The following RBMS3 variants were observed in gnomAD, a reference collection of about 807,000 sequenced individuals.
RBMS3 encodes RNA-binding motif, single-stranded-interacting protein 3.
A neutral mutation model predicts 66.8 loss-of-function variants in RBMS3; 27 were observed. The ratio of observed to expected loss-of-function variants is 0.40; its 90% CI spans 0.30 to 0.56. The LOEUF is 0.56. RBMS3 is among the 20% of genes least tolerant of loss of function. The pLI is 0.40. For synonymous variants in RBMS3, 188 were observed against 183.0 expected (o/e 1.03, Z -0.22); for missense variants, 513 against 549.5 (o/e 0.93, Z 0.66).
chr3:29,541,038 A>C (rs1447570222), intron 3 of RBMS3, among the ~76,000 whole-genome samples: 1 of 152,192 alleles, frequency 6.6e-6, no homozygotes, highest in Admixed American at 6.5e-5. Context: ...AGAAAACTAC[A>C]TAGCCCATTG....
At chr3:29,835,858 A>C (rs1034949331) in intron 6 of RBMS3, among the ~76,000 whole-genome samples, 1 of 151,930 alleles carries the variant, frequency 6.6e-6, no homozygotes, top group African/African-American at 2.4e-5. Context: ...AAAAAAGGTA[A>C]ACAAAATTGG....
At chr3:29,743,454 G>T (rs2054729389) in intron 5 of RBMS3, among the ~76,000 whole-genome samples, 1 of 152,188 alleles carries the variant, frequency 6.6e-6, no homozygotes, top group South Asian at 2.1e-4. Context: ...TCCCAGATCA[G>T]CAGCTTCAGT....
chr3:29,948,226 A>C (rs1462945387), intron 12 of RBMS3, among the ~76,000 whole-genome samples: 1 of 151,764 alleles, frequency 6.6e-6, no homozygotes, highest in East Asian at 1.9e-4. Context: ...TCTACGAATA[A>C]AGTTCTTCAT....
At chr3:29,365,935 C>G (rs1479080699) in intron 1 of RBMS3, among the ~76,000 whole-genome samples, 1 of 152,152 alleles carries the variant, frequency 6.6e-6, no homozygotes, top group Non-Finnish European at 1.5e-5. Context: ...GTTTACTGTA[C>G]TGAGTACTCT....
chr3:29,756,777 T>G (rs1411955809), intron 5 of RBMS3, among the ~76,000 whole-genome samples: 1 of 152,108 alleles, frequency 6.6e-6, no homozygotes, highest in Non-Finnish European at 1.5e-5. Context: ...AAAATGACTC[T>G]CAAAGCACTT....
chr3:29,654,844 C>G (rs1227544587), intron 4 of RBMS3, among the ~76,000 whole-genome samples: 1 of 151,112 alleles, frequency 6.6e-6, no homozygotes, highest in Non-Finnish European at 1.5e-5. Context: ...GCAATCTGCT[C>G]ACCTCAGCAT....
intron 1 of RBMS3, among the ~76,000 whole-genome samples, chr3:29,410,866 G>A (rs999601631): frequency 6.6e-6 from 1 of 151,752 alleles, no homozygotes; most frequent in Non-Finnish European, 1.5e-5. Flanking sequence ...GATAGCTGTT[G>A]GAAGGTTTTG....
At chr3:29,546,274 T>C (rs1447108835) in intron 3 of RBMS3, among the ~76,000 whole-genome samples, 1 of 152,142 alleles carries the variant, frequency 6.6e-6, no homozygotes, top group Non-Finnish European at 1.5e-5. Context: ...ATTCATTTTA[T>C]GGAACAGAAT....
At chr3:29,570,873 C>A (rs925937175) in intron 3 of RBMS3, among the ~76,000 whole-genome samples, 1 of 152,204 alleles carries the variant, frequency 6.6e-6, no homozygotes, top group African/African-American at 2.4e-5. Context: ...TATGGTAGCT[C>A]TATTTTTAGT....
chr3:29,738,701 G>C (rs1576660081), intron 4 of RBMS3, among the ~76,000 whole-genome samples: 1 of 152,116 alleles, frequency 6.6e-6, no homozygotes, highest in Non-Finnish European at 1.5e-5. Flanking sequence ...CAGATTTCTT[G>C]GCCCACTCTC....
intron 10 of RBMS3, among the ~76,000 whole-genome samples, chr3:29,911,082 G>A (rs1331291262): frequency 2.0e-5 from 3 of 152,088 alleles, no homozygotes; most frequent in Admixed American, 1.3e-4. Context: ...GCAGTAAAGA[G>A]GAGGAAGTTA....
chr3:29,758,677 C>T (rs2055531046), intron 5 of RBMS3, among the ~76,000 whole-genome samples: 2 of 152,154 alleles, frequency 1.3e-5, no homozygotes, highest in Non-Finnish European at 1.5e-5. Context: ...GAAAATTCAT[C>T]GCATTCATTC....
chr3:29,462,238 T>C (rs1452379214), intron 2 of RBMS3, among the ~76,000 whole-genome samples: 1 of 152,350 alleles, frequency 6.6e-6, no homozygotes, highest in South Asian at 2.1e-4. Flanking sequence ...CTAATTTCTC[T>C]ACAGACCCTT....
intron 12 of RBMS3, among the ~76,000 whole-genome samples, chr3:29,981,385 T>C (rs1490150733): frequency 2.6e-5 from 4 of 152,192 alleles, no homozygotes; most frequent in Non-Finnish European, 4.4e-5. Flanking sequence ...ACAGAGACAA[T>C]TGGACTTCCT....
At chr3:29,621,112 C>G (rs1034326212) in intron 4 of RBMS3, among the ~76,000 whole-genome samples, 1 of 151,772 alleles carries the variant, frequency 6.6e-6, no homozygotes, top group Non-Finnish European at 1.5e-5. Flanking sequence ...TAGAGGGTCT[C>G]TGAAACTTGA....
At chr3:29,887,452 A>G (rs1405337532) in intron 8 of RBMS3, among the ~76,000 whole-genome samples, 1 of 151,702 alleles carries the variant, frequency 6.6e-6, no homozygotes, top group Non-Finnish European at 1.5e-5. Context: ...TAAGAGGCTC[A>G]TCCCCCTTTG....
At chr3:29,557,199 T>C (rs2046395775) in intron 3 of RBMS3, among the ~76,000 whole-genome samples, 1 of 152,250 alleles carries the variant, frequency 6.6e-6, no homozygotes, top group African/African-American at 2.4e-5. Flanking sequence ...AGATATGTTC[T>C]GAGTTAATAA....
chr3:29,887,929 C>G (rs2059911147), intron 8 of RBMS3, among the ~76,000 whole-genome samples: 1 of 151,782 alleles, frequency 6.6e-6, no homozygotes, highest in Non-Finnish European at 1.5e-5. Flanking sequence ...AACTGCTAAT[C>G]TGAGAAATCA....
rs949168881 is a variant in RBMS3 at position 29,281,532 on chromosome 3, C to A, written c.-150C>A. 5.5e-5 allele frequency: 28 copies of A among 512,674 alleles called. No individual in the cohort carries two copies. Among genetic ancestry groups the A allele is most frequent in the African/African-American group, 2.1e-4 (10 of 47,730 alleles). The allele number at this position is 512,674 out of a possible 1,614,324, so 31.8% of individuals were successfully genotyped here. A position where few individuals can be genotyped will look rare whatever the true frequency, so the allele number is the denominator to read the frequency against. On this transcript the variant is annotated 5_prime_UTR_variant, in exon 1 of 15. Transcript: ENST00000383767. ...TTTTGTTTTGTTTTTTAAAAAAATTCTTGCTGTGTTGGAACTAGCGAGTGG... is the reference window on the plus strand; with the variant it reads ...TTTTGTTTTGTTTTTTAAAAAAATTATTGCTGTGTTGGAACTAGCGAGTGG...
Sources: allele counts gnomAD v4.1 joint callset (sites outside exome capture counted in the v4.1 genomes callset), GRCh38; gene constraint gnomAD v4.1.1; transcripts MANE v1.5; gene names NCBI Gene and HGNC (gene_info 2026-07-23, HGNC 2026-07-21).